The following COL5A2 variants were observed in gnomAD, a reference collection of about 807,000 sequenced individuals.
The protein encoded by COL5A2 is collagen alpha-2(V) chain.
A neutral mutation model predicts 208.2 loss-of-function variants in COL5A2; 23 were observed. That is an observed-to-expected ratio of 0.11 (90% CI 0.08 to 0.16). The LOEUF is 0.16. Ranked by LOEUF, COL5A2 falls within the 10% of genes least tolerant of loss-of-function variation. The pLI is 1.00. For missense variants in COL5A2, 1,590 were observed against 1,956.4 expected (o/e 0.81, Z 3.53); for synonymous variants, 625 against 628.5 (o/e 0.99, Z 0.08).
chr2:189,157,130 A>ATATATAGATATAGATATATCGATATATC (rs1467640337), intron 1 of COL5A2, among the ~76,000 whole-genome samples: 1 of 8,152 alleles, frequency 1.2e-4, no homozygotes, highest in African/African-American at 1.5e-4. Flanking sequence ...ATATCTATCT[A>ATATATAGATATAGATATATCGATATATC]TATATATATC....
chr2:189,103,972 G>A (rs1452317053), intron 3 of COL5A2, among the ~76,000 whole-genome samples: 1 of 151,902 alleles, frequency 6.6e-6, no homozygotes, highest in Admixed American at 6.6e-5. Flanking sequence ...ACTATGCAAT[G>A]ACAAATGCAA....
intron 1 of COL5A2, among the ~76,000 whole-genome samples, chr2:189,220,030 T>TA (rs1156782457): frequency 6.6e-6 from 1 of 152,178 alleles, no homozygotes; most frequent in African/African-American, 2.4e-5. Context: ...AATGGCCTAT[T>TA]ATAATGTCTC....
chr2:189,298,833 C>T, the COL5A2 span, among the ~76,000 whole-genome samples: 1 of 152,144 alleles, frequency 6.6e-6, no homozygotes. Context: ...ATGTATGACA[C>T]TTTCCATCTC....
At chr2:189,045,328 GCA>G (rs1491319593) in intron 46 of COL5A2, 96 bp from the exon 47 acceptor site, 4 of 741,202 alleles carry the variant, frequency 5.4e-6, no homozygotes, top group Non-Finnish European at 7.1e-6. Context: ...ATAGTTGGAT[GCA>G]TATATATATA....
the COL5A2 span, among the ~76,000 whole-genome samples, chr2:189,310,841 C>T: frequency 6.6e-6 from 1 of 152,050 alleles, no homozygotes; most frequent in Non-Finnish European, 1.5e-5. Context: ...ACAAACATCA[C>T]ATGTTCTCAC....
intron 1 of COL5A2, among the ~76,000 whole-genome samples, chr2:189,122,583 G>A (rs186438680): frequency 1.3e-5 from 2 of 152,216 alleles, no homozygotes; most frequent in African/African-American, 2.4e-5. Flanking sequence ...CACCTTATCC[G>A]TACACCTGGC....
intron 1 of COL5A2, among the ~76,000 whole-genome samples, chr2:189,171,199 C>T (rs569962385): frequency 6.6e-6 from 1 of 151,672 alleles, no homozygotes; most frequent in East Asian, 1.9e-4. Context: ...ACAGTTGATG[C>T]GACTAAAACT....
intron 1 of COL5A2, among the ~76,000 whole-genome samples, chr2:189,121,933 A>C (rs1687510668): frequency 6.6e-6 from 1 of 152,086 alleles, no homozygotes; most frequent in Non-Finnish European, 1.5e-5. Context: ...TACCCATACT[A>C]AAAGTTTATT....
chr2:189,143,854 T>A (rs6730236), intron 1 of COL5A2, among the ~76,000 whole-genome samples: 4,030 of 152,218 alleles, frequency 0.026, 100 homozygotes, highest in East Asian at 0.11. Context: ...GAAGACATTA[T>A]AATAACATAA....
At chr2:189,075,966 G>A (rs1686395345) in intron 16 of COL5A2, among the ~76,000 whole-genome samples, 2 of 152,152 alleles carry the variant, frequency 1.3e-5, no homozygotes. Context: ...AAGGGAATTA[G>A]CTCTCTCAAG....
Position 189,049,467 on chromosome 2 carries a change from T to G in COL5A2, c.3040-13A>C. 6.3e-7 allele frequency: 1 copy of G among 1,597,274 alleles called. No homozygotes were observed. The highest frequency in any genetic ancestry group is 8.6e-7 in the Non-Finnish European group (1 of 1,166,420). Reference sequence around the variant, plus strand: ...TTCCTGGTGTTCCCTGAAATAGAAGTATAAATGTCAAACACTTGTGAAGAA... The same window carrying G: ...TTCCTGGTGTTCCCTGAAATAGAAGGATAAATGTCAAACACTTGTGAAGAA... On this transcript the variant is annotated splice_polypyrimidine_tract_variant and intron_variant, in intron 43 of 53. Transcript: ENST00000374866.
chr2:189,335,709 T>G, the COL5A2 span, among the ~76,000 whole-genome samples: 1 of 152,106 alleles, frequency 6.6e-6, no homozygotes, highest in Non-Finnish European at 1.5e-5. Context: ...GAATAGGCAA[T>G]TCTGCATGAT....
the COL5A2 span, among the ~76,000 whole-genome samples, chr2:189,381,626 C>G: frequency 6.6e-6 from 1 of 151,838 alleles, no homozygotes; most frequent in Non-Finnish European, 1.5e-5. Flanking sequence ...ATGGAAGTAT[C>G]ACAAAAGAGG....
upstream of COL5A2, among the ~76,000 whole-genome samples, chr2:189,184,596 A>G (rs1688823705): frequency 6.6e-6 from 1 of 152,208 alleles, no homozygotes; most frequent in Non-Finnish European, 1.5e-5. Context: ...AGCCAGCAAC[A>G]TAGCATATTC....
At chr2:189,321,473 T>A in the COL5A2 span, among the ~76,000 whole-genome samples, 1 of 151,990 alleles carries the variant, frequency 6.6e-6, no homozygotes, top group African/African-American at 2.4e-5. Context: ...TGGAGGAAGA[T>A]CTACAAGCAA....
intron 1 of COL5A2, among the ~76,000 whole-genome samples, chr2:189,121,821 T>G (rs1041847998): frequency 6.6e-6 from 1 of 151,620 alleles, no homozygotes; most frequent in African/African-American, 2.4e-5. Flanking sequence ...TTCTGGATTA[T>G]TGTGTTTTGA....
chr2:189,191,655 T>A (rs554035897), intron 1 of COL5A2, among the ~76,000 whole-genome samples: 38 of 151,986 alleles, frequency 2.5e-4, no homozygotes, highest in African/African-American at 8.2e-4. Flanking sequence ...TCTCAAAAAA[T>A]AAATAAATAA....
At chr2:189,332,371 T>A in the COL5A2 span, among the ~76,000 whole-genome samples, 1 of 152,182 alleles carries the variant, frequency 6.6e-6, no homozygotes, top group African/African-American at 2.4e-5. Flanking sequence ...ACATTCACCA[T>A]GATAGAACAT....
intron 1 of COL5A2, among the ~76,000 whole-genome samples, chr2:189,186,501 CT>C (rs1166767336): frequency 1.3e-5 from 2 of 152,078 alleles, no homozygotes; most frequent in Admixed American, 6.6e-5. Context: ...GTAAGTGCTA[CT>C]TTTTTTCGTA....
Sources: gnomAD v4.1 joint callset for allele counts (sites outside exome capture counted in the v4.1 genomes callset) on GRCh38, gnomAD v4.1.1 for gene constraint, MANE v1.5 for transcripts, NCBI Gene and HGNC (gene_info 2026-07-23, HGNC 2026-07-21) for gene names.